Variants in ADAMTS3 observed in about 807,000 individuals in gnomAD.
The protein encoded by ADAMTS3 is ADAM metallopeptidase with thrombospondin type 1 motif 3.
Under a neutral mutation model 129.0 loss-of-function variants are expected in ADAMTS3, and 73 were observed. That is an observed-to-expected ratio of 0.57 (90% confidence interval 0.47 to 0.69). The LOEUF is 0.69. ADAMTS3 is among the 30% of genes least tolerant of loss of function. The probability of loss-of-function intolerance (pLI) is 0.00; values close to 1 mark genes in which losing one functional copy is unlikely to be tolerated. For missense variants in ADAMTS3, 1,457 were observed against 1,514.5 expected (o/e 0.96, Z 0.63); for synonymous variants, 477 against 510.8 (o/e 0.93, Z 0.89).
chr4:72,531,895 CAT>C lies in ADAMTS3; in HGVS notation c.504+16581_504+16582del, dbSNP rs1201452210. ...GAACATAGCCTGGGGAGATGGCACTCATGTGTGCCTACAAAGAACACATAGCT... is the reference window on the plus strand; with the variant it reads ...GAACATAGCCTGGGGAGATGGCACTCGTGTGCCTACAAAGAACACATAGCT... On this transcript the variant is annotated intron_variant, in intron 3 of 21. Transcript: ENST00000286657. 1.3e-5 allele frequency among the ~76,000 whole-genome samples: 2 copies of C among 152,056 alleles called. 1 individual carries two copies. Among genetic ancestry groups the C allele is most frequent in the Non-Finnish European group, 2.9e-5 (2 of 68,012 alleles).
At chr4:72,317,532 T>C (rs945937036) in intron 10 of ADAMTS3, among the ~76,000 whole-genome samples, 1 of 151,740 alleles carries the variant, frequency 6.6e-6, no homozygotes, top group Non-Finnish European at 1.5e-5. Context: ...AATATACATC[T>C]AATGTGAATA....
chr4:72,409,632 T>C (rs1353954402), intron 4 of ADAMTS3, among the ~76,000 whole-genome samples: 1 of 152,182 alleles, frequency 6.6e-6, no homozygotes, highest in Non-Finnish European at 1.5e-5. Context: ...ATAAGCTCTT[T>C]TCATTGAACC....
At chr4:72,520,956 CTA>C (rs780912386) in intron 3 of ADAMTS3, among the ~76,000 whole-genome samples, 8 of 151,954 alleles carry the variant, frequency 5.3e-5, no homozygotes, top group Non-Finnish European at 8.8e-5. Context: ...GAGCTGTAGA[CTA>C]GCGCTGTTCC....
chr4:72,374,391 A>G (rs1433388366), intron 4 of ADAMTS3, among the ~76,000 whole-genome samples: 2 of 152,030 alleles, frequency 1.3e-5, no homozygotes, highest in Non-Finnish European at 2.9e-5. Context: ...CTGCTAACCC[A>G]GAAGCAAAGA....
chr4:72,406,547 A>T (rs1434527326), intron 4 of ADAMTS3, among the ~76,000 whole-genome samples: 1 of 152,184 alleles, frequency 6.6e-6, no homozygotes, highest in African/African-American at 2.4e-5. Flanking sequence ...TCCTATTTGA[A>T]ATATAAAACT....
At chr4:72,462,261 G>A (rs775631831) in intron 3 of ADAMTS3, among the ~76,000 whole-genome samples, 9 of 151,882 alleles carry the variant, frequency 5.9e-5, no homozygotes, top group Middle Eastern at 3.2e-3. Flanking sequence ...GCAACCTCAC[G>A]AGATTATCAA....
intron 2 of ADAMTS3, among the ~76,000 whole-genome samples, chr4:72,556,825 C>T (rs980136218): frequency 4.6e-5 from 7 of 151,786 alleles, no homozygotes; most frequent in Non-Finnish European, 1.5e-5. Flanking sequence ...GAAAAGTGAG[C>T]TGTTATCATC....
At chr4:72,413,900 AGT>A (rs1722241316) in intron 4 of ADAMTS3, among the ~76,000 whole-genome samples, 1 of 148,938 alleles carries the variant, frequency 6.7e-6, no homozygotes, top group South Asian at 2.2e-4. Context: ...TTAACTTTAA[AGT>A]TATCTTAAAT....
At chr4:72,541,797 C>T (rs572536477) in intron 3 of ADAMTS3, among the ~76,000 whole-genome samples, 117 of 152,256 alleles carry the variant, frequency 7.7e-4, no homozygotes, top group Middle Eastern at 6.8e-3. Context: ...GATTGTGAGG[C>T]CTCCCTAGCC....
chr4:72,533,677 A>ATATATACATATATATGTAGG (rs1721111435), intron 3 of ADAMTS3, among the ~76,000 whole-genome samples: 1 of 28,968 alleles, frequency 3.5e-5, no homozygotes, highest in African/African-American at 2.0e-4. Context: ...ATGCACATAT[A>ATATATACATATATATGTAGG]TGCACACATG....
chr4:72,379,431 C>T (rs1458961406), intron 4 of ADAMTS3, among the ~76,000 whole-genome samples: 2 of 106,168 alleles, frequency 1.9e-5, no homozygotes, highest in Non-Finnish European at 3.8e-5. Flanking sequence ...AGTAAATAAA[C>T]AGTTTGAAAA....
At chr4:72,399,509 C>A (rs1225485355) in intron 4 of ADAMTS3, among the ~76,000 whole-genome samples, 1 of 152,090 alleles carries the variant, frequency 6.6e-6, no homozygotes, top group Non-Finnish European at 1.5e-5. Context: ...TTCATTTGTT[C>A]AATCAATATT....
intron 4 of ADAMTS3, among the ~76,000 whole-genome samples, chr4:72,384,720 A>T (rs1196423453): frequency 2.6e-5 from 4 of 152,246 alleles, no homozygotes; most frequent in Admixed American, 2.6e-4. Flanking sequence ...TCAGATGTCC[A>T]GGAAACAATA....
chr4:72,420,120 T>G (rs536539840), intron 3 of ADAMTS3, among the ~76,000 whole-genome samples: 1 of 152,254 alleles, frequency 6.6e-6, no homozygotes, highest in East Asian at 1.9e-4. Context: ...TTCAAAACTT[T>G]CGAAGGTCTC....
At chr4:72,520,619 C>T (rs1296920321) in intron 3 of ADAMTS3, among the ~76,000 whole-genome samples, 1 of 152,220 alleles carries the variant, frequency 6.6e-6, no homozygotes. Context: ...ATCAGTGAGA[C>T]TCCGTGGGCG....
intron 3 of ADAMTS3, among the ~76,000 whole-genome samples, chr4:72,475,270 ACT>A (rs1719198788): frequency 6.6e-6 from 1 of 151,912 alleles, no homozygotes; most frequent in Non-Finnish European, 1.5e-5. Context: ...TCTACAAGAA[ACT>A]CTCTTCAACG....
chr4:72,546,236 G>A (rs1423320461), intron 3 of ADAMTS3, among the ~76,000 whole-genome samples: 2 of 151,972 alleles, frequency 1.3e-5, no homozygotes, highest in Non-Finnish European at 2.9e-5. Flanking sequence ...TCTCTTTATG[G>A]TTCCCAAATT....
At chr4:72,539,491 GAAAAAAAAA>G (rs71215438) in intron 3 of ADAMTS3, among the ~76,000 whole-genome samples, 3 of 86,602 alleles carry the variant, frequency 3.5e-5, no homozygotes, top group African/African-American at 8.6e-5. Flanking sequence ...GCTACTATCA[GAAAAAAAAA>G]AAAAAAAAAA....
At chr4:72,523,747 C>G (rs1356629488) in intron 3 of ADAMTS3, among the ~76,000 whole-genome samples, 1 of 151,956 alleles carries the variant, frequency 6.6e-6, no homozygotes, top group Non-Finnish European at 1.5e-5. Flanking sequence ...TGAACAATAT[C>G]TTTAACATAT....
Sources: gnomAD v4.1 joint callset for allele counts (sites outside exome capture counted in the v4.1 genomes callset) on GRCh38, gnomAD v4.1.1 for gene constraint, MANE v1.5 for transcripts, NCBI Gene and HGNC (gene_info 2026-07-23, HGNC 2026-07-21) for gene names.